MAD1L1: variants seen among roughly 807,000 people sequenced by gnomAD.
MAD1L1 encodes mitotic arrest deficient 1 like 1, also known as mitotic spindle assembly checkpoint protein MAD1.
Under a neutral mutation model 96.9 loss-of-function variants are expected in MAD1L1, and 95 were observed. The ratio of observed to expected loss-of-function variants is 0.98; its 90% CI spans 0.83 to 1.16. MAD1L1 has a LOEUF of 1.16. Ranked by LOEUF, MAD1L1 falls within the 50% of genes most tolerant of loss-of-function variation. The pLI is 0.00. For synonymous variants in MAD1L1, 473 were observed against 396.6 expected (o/e 1.19, Z -2.29); for missense variants, 1,007 against 954.4 (o/e 1.06, Z -0.73).
intron 18 of MAD1L1, among the ~76,000 whole-genome samples, chr7:1,828,617 C>T (rs957588695): frequency 2.0e-5 from 3 of 152,204 alleles, no homozygotes; most frequent in African/African-American, 7.2e-5. Flanking sequence ...CCTCACATTT[C>T]CTAAACCGAG....
At position 1,865,051 on chromosome 7, in the gene MAD1L1, C is replaced by T. The variant is rs1041513254; in HGVS notation, c.1998+33149G>A. On this transcript the variant is annotated intron_variant, in intron 18 of 18. Transcript: ENST00000265854. ...GTCCCCACCTCACGCCCACTGACCACGCTCTCACTTGTCTAGTGACACCCT... is the reference window on the plus strand; with the variant it reads ...GTCCCCACCTCACGCCCACTGACCATGCTCTCACTTGTCTAGTGACACCCT... Among the ~76,000 whole-genome samples, 104 of 152,314 alleles carry T rather than the reference C, an allele frequency of 6.8e-4. 1 individual carries two copies. Among genetic ancestry groups the T allele is most frequent in the Admixed American group, 6.5e-3 (99 of 15,310 alleles).
chr7:2,054,163 A>G (rs1351160279), intron 12 of MAD1L1, among the ~76,000 whole-genome samples: 1 of 152,214 alleles, frequency 6.6e-6, no homozygotes, highest in Non-Finnish European at 1.5e-5. Flanking sequence ...CCACAGCCTC[A>G]CCTGGAACTG....
At chr7:2,224,040 C>A (rs1262726613) in intron 4 of MAD1L1, among the ~76,000 whole-genome samples, 2 of 152,140 alleles carry the variant, frequency 1.3e-5, no homozygotes, top group Admixed American at 6.5e-5. Context: ...AGACAGGGTT[C>A]CCGGAGACCC....
chr7:2,230,291 G>GCTCC, intron 2 of MAD1L1, 148 bp from the exon 3 acceptor site: 1 of 555,642 alleles, frequency 1.8e-6, no homozygotes, highest in Non-Finnish European at 3.1e-6. Context: ...TTCTTCAATG[G>GCTCC]CAACTGGGAG....
At chr7:2,018,129 G>C (rs1353785992) in intron 12 of MAD1L1, among the ~76,000 whole-genome samples, 1 of 152,182 alleles carries the variant, frequency 6.6e-6, no homozygotes, top group Non-Finnish European at 1.5e-5. Context: ...CACTTGAGGT[G>C]TGCATGCCCA....
intron 16 of MAD1L1, among the ~76,000 whole-genome samples, chr7:1,955,089 G>A (rs1271188146): frequency 6.6e-5 from 10 of 152,202 alleles, no homozygotes; most frequent in Non-Finnish European, 1.5e-5. Flanking sequence ...AGCTCTAAGG[G>A]GTAACTGAAA....
chr7:1,928,665 C>T (rs764742567), intron 17 of MAD1L1, among the ~76,000 whole-genome samples: 4 of 152,236 alleles, frequency 2.6e-5, no homozygotes, highest in African/African-American at 7.2e-5. Context: ...CCATTTGAAC[C>T]GCTCAGCTGT....
intron 6 of MAD1L1, among the ~76,000 whole-genome samples, chr7:2,219,086 C>T (rs1793446331): frequency 6.6e-6 from 1 of 152,106 alleles, no homozygotes; most frequent in Non-Finnish European, 1.5e-5. Context: ...TCTGGCTCTG[C>T]AGGAGCCCTC....
At chr7:2,198,083 GTTTT>G (rs78102383) in intron 10 of MAD1L1, among the ~76,000 whole-genome samples, 2 of 134,194 alleles carry the variant, frequency 1.5e-5, no homozygotes, top group Admixed American at 7.4e-5. Flanking sequence ...ATGAGTTTGG[GTTTT>G]TTTTTTTTTT....
Position 2,210,621 on chromosome 7 carries a change from G to GT in MAD1L1, c.986+2590dup, listed in dbSNP as rs577084436. Among the ~76,000 whole-genome samples the GT allele has an allele frequency of 9.9e-4, 151 of 152,126 alleles. 1 individual carries two copies. Among genetic ancestry groups the GT allele is most frequent in the African/African-American group, 3.4e-3 (139 of 41,412 alleles). On this transcript the variant is annotated intron_variant, in intron 10 of 18. Coordinates refer to ENST00000265854, the MANE Select transcript of MAD1L1 (RefSeq NM_001013836.2). ...GAGCACCACCCCACTGACGTCCAGC[G>GT]TGAGTCACCCGAGATCACGGCCTGA...
intron 12 of MAD1L1, among the ~76,000 whole-genome samples, chr7:2,034,177 A>G (rs778449235): frequency 3.3e-5 from 5 of 152,208 alleles, no homozygotes; most frequent in Non-Finnish European, 7.3e-5. Context: ...AGCAATAATC[A>G]TGAAAAAATT....
chr7:2,090,028 A>G (rs1344046979), intron 11 of MAD1L1, among the ~76,000 whole-genome samples: 2 of 152,248 alleles, frequency 1.3e-5, no homozygotes, highest in East Asian at 3.8e-4. Flanking sequence ...GCAGGCGGAC[A>G]AGGAAGAGTG....
At chr7:2,197,184 C>T (rs1030266729) in intron 10 of MAD1L1, among the ~76,000 whole-genome samples, 4 of 152,186 alleles carry the variant, frequency 2.6e-5, no homozygotes, top group African/African-American at 7.2e-5. Flanking sequence ...CAACACTGTC[C>T]GAACACGCAG....
chr7:1,879,617 T>G (rs527248351), intron 18 of MAD1L1, among the ~76,000 whole-genome samples: 1 of 152,278 alleles, frequency 6.6e-6, no homozygotes, highest in African/African-American at 2.4e-5. Flanking sequence ...AGAACAAAAT[T>G]GGAGGACTTA....
chr7:2,223,555 G>C (rs577394745), intron 4 of MAD1L1: 3 of 152,362 alleles, frequency 2.0e-5, no homozygotes, highest in African/African-American at 7.2e-5. Flanking sequence ...AGCTTGTGCT[G>C]TCCTCATCCA....
At chr7:2,045,777 T>C (rs1215164123) in intron 12 of MAD1L1, among the ~76,000 whole-genome samples, 1 of 152,140 alleles carries the variant, frequency 6.6e-6, no homozygotes, top group Non-Finnish European at 1.5e-5. Context: ...ATTTCTCACC[T>C]GAGGAGCCCA....
chr7:1,994,053 C>T (rs753521565), intron 14 of MAD1L1, among the ~76,000 whole-genome samples: 2 of 152,234 alleles, frequency 1.3e-5, no homozygotes, highest in Non-Finnish European at 2.9e-5. Flanking sequence ...GGTGCCAACA[C>T]GGGCAGGTCA....
In MAD1L1 at chr7:1,938,314, G is replaced by A. The variant is rs528577585; in HGVS notation, c.1597-1417C>T. 8.6e-5 allele frequency among the ~76,000 whole-genome samples: 13 copies of A among 151,952 alleles called. No individual in the cohort carries two copies. In the South Asian group the frequency reaches 1.2e-3, roughly 15 times the overall value. On this transcript the variant is annotated intron_variant, in intron 16 of 18. Transcript: ENST00000265854. ...AGGGTCACTGCACACCTGAGACCCC[G>A]ACCTCACATCACACACAAACATCAA...
At chr7:1,932,498 G>T (rs138981971) in intron 17 of MAD1L1, among the ~76,000 whole-genome samples, 7 of 152,354 alleles carry the variant, frequency 4.6e-5, no homozygotes, top group African/African-American at 1.7e-4. Flanking sequence ...CTGATGTGGG[G>T]CTGGGGGGCT....
Sources: allele counts gnomAD v4.1 joint callset (sites outside exome capture counted in the v4.1 genomes callset), GRCh38; gene constraint gnomAD v4.1.1; transcripts MANE v1.5; gene names NCBI Gene and HGNC (gene_info 2026-07-23, HGNC 2026-07-21).